Variants in NNT observed in about 807,000 individuals in gnomAD.
The protein encoded by NNT is NAD(P) transhydrogenase, mitochondrial.
NNT carries 50 observed loss-of-function variants against 104.8 expected under a neutral mutation model. The ratio of observed to expected loss-of-function variants is 0.48; its 90% CI spans 0.38 to 0.60. The LOEUF is 0.60. Ranked by LOEUF, NNT falls within the 20% of genes least tolerant of loss-of-function variation. NNT has a pLI of 0.00. For missense variants in NNT, 1,131 were observed against 1,330.7 expected (o/e 0.85, Z 2.33); for synonymous variants, 461 against 490.4 (o/e 0.94, Z 0.79).
At chr5:43,657,915 A>G (rs958569518) in intron 16 of NNT, among the ~76,000 whole-genome samples, 1 of 152,152 alleles carries the variant, frequency 6.6e-6, no homozygotes, top group Non-Finnish European at 1.5e-5. Flanking sequence ...TGGGTGGATC[A>G]CCTGAGGTCA....
At chr5:43,604,844 T>C (rs546119242) in intron 1 of NNT, among the ~76,000 whole-genome samples, 1 of 149,300 alleles carries the variant, frequency 6.7e-6, no homozygotes, top group South Asian at 2.1e-4. Flanking sequence ...GCTAATTAAT[T>C]TTTTTTTTTT....
intron 7 of NNT, among the ~76,000 whole-genome samples, chr5:43,638,261 C>T (rs1018747210): frequency 2.0e-4 from 30 of 152,230 alleles, no homozygotes; most frequent in African/African-American, 6.0e-4. Flanking sequence ...CACCCAGTCT[C>T]GGCCAGCAAT....
chr5:43,614,860 G>A (rs1168508806), intron 3 of NNT, among the ~76,000 whole-genome samples: 3 of 152,196 alleles, frequency 2.0e-5, no homozygotes, highest in South Asian at 2.1e-4. Flanking sequence ...ATGGATGGCC[G>A]GGCGCAGTGG....
At chr5:43,682,489 G>A (rs1296148335) in intron 19 of NNT, among the ~76,000 whole-genome samples, 1 of 152,158 alleles carries the variant, frequency 6.6e-6, no homozygotes, top group Non-Finnish European at 1.5e-5. Context: ...GGGATTACAG[G>A]CGTGAGCCAC....
chr5:43,612,373 T>C (rs919622356), intron 2 of NNT, among the ~76,000 whole-genome samples: 4 of 152,232 alleles, frequency 2.6e-5, no homozygotes, highest in Admixed American at 6.5e-5. Flanking sequence ...ATCCCTTGTC[T>C]AAGTGGCTGA....
intron 11 of NNT, among the ~76,000 whole-genome samples, chr5:43,649,832 C>T (rs547676645): frequency 6.6e-6 from 1 of 152,264 alleles, no homozygotes; most frequent in Admixed American, 6.5e-5. Context: ...TGCAGCAGTC[C>T]ATGTGGTTGC....
chr5:43,615,212 A>C (rs1282108779), intron 3 of NNT, among the ~76,000 whole-genome samples: 1 of 152,258 alleles, frequency 6.6e-6, no homozygotes, highest in Non-Finnish European at 1.5e-5. Flanking sequence ...TTTCAAGCAT[A>C]TGGAGTGTAT....
chr5:43,678,807 A>G (rs1222755344), intron 19 of NNT, among the ~76,000 whole-genome samples: 1 of 152,180 alleles, frequency 6.6e-6, no homozygotes, highest in Non-Finnish European at 1.5e-5. Context: ...TTAGATGATG[A>G]AATCAGGGGG....
chr5:43,660,456 T>C (rs1290738631), intron 17 of NNT, among the ~76,000 whole-genome samples: 1 of 152,322 alleles, frequency 6.6e-6, no homozygotes, highest in Non-Finnish European at 1.5e-5. Context: ...ATTATGGATG[T>C]TATTTTCTAA....
chr5:43,646,410 C>T (rs764132836), intron 10 of NNT, among the ~76,000 whole-genome samples: 7 of 151,832 alleles, frequency 4.6e-5, no homozygotes, highest in Non-Finnish European at 1.5e-5. Flanking sequence ...TCACTTCAGC[C>T]TCCTGAGTAG....
At chr5:43,689,351 C>CT (rs543264097) in intron 19 of NNT, among the ~76,000 whole-genome samples, 6 of 152,070 alleles carry the variant, frequency 3.9e-5, no homozygotes, top group Admixed American at 6.5e-5. Flanking sequence ...TGAATGAACT[C>CT]TGTTGATTAT....
chr5:43,614,691 C>T (rs952132504), intron 3 of NNT, among the ~76,000 whole-genome samples: 1 of 152,104 alleles, frequency 6.6e-6, no homozygotes, highest in Non-Finnish European at 1.5e-5. Context: ...AAACATAAGT[C>T]CCAGAGGCTG....
At chr5:43,680,330 A>C (rs1741636617) in intron 19 of NNT, among the ~76,000 whole-genome samples, 1 of 151,894 alleles carries the variant, frequency 6.6e-6, no homozygotes, top group African/African-American at 2.4e-5. Flanking sequence ...TGCAGCAGTT[A>C]CCTCATATTT....
intron 7 of NNT, among the ~76,000 whole-genome samples, chr5:43,639,177 A>G (rs1415905107): frequency 6.6e-6 from 1 of 152,204 alleles, no homozygotes; most frequent in Admixed American, 6.6e-5. Context: ...AGAAAAAACA[A>G]AAAAGCAGAA....
At position 43,705,169 on chromosome 5, in the gene NNT, C is replaced by G. The variant is rs116409496; in HGVS notation, c.*765C>G. On this transcript the variant is annotated 3_prime_UTR_variant, in exon 22 of 22. Transcript: ENST00000344920. The stretch of plus-strand genomic sequence containing the variant: ...TTCGATCAACTTATAATGTGTAGTA[C>G]TATATTAAGTGCACTTGAGTGGAAT... 3 of 152,026 alleles carry G rather than the reference C, an allele frequency of 2.0e-5. No homozygotes were observed. Among genetic ancestry groups the G allele is most frequent in the Non-Finnish European group, 2.9e-5 (2 of 67,978 alleles). The allele number at this position is 152,026 out of a possible 1,614,324, so 9.4% of individuals were successfully genotyped here.
intron 19 of NNT, among the ~76,000 whole-genome samples, chr5:43,681,192 G>A (rs1291089118): frequency 6.7e-6 from 1 of 149,720 alleles, no homozygotes; most frequent in East Asian, 2.0e-4. Context: ...CCCAGGAGGT[G>A]GAGCTCGCAG....
At chr5:43,607,117 C>T (rs988036964) in intron 1 of NNT, among the ~76,000 whole-genome samples, 3 of 152,006 alleles carry the variant, frequency 2.0e-5, no homozygotes, top group African/African-American at 7.2e-5. Flanking sequence ...GATTCTGGTG[C>T]CTCAGCTTCA....
chr5:43,615,939 C>A lies in NNT; in HGVS notation c.473C>A (p.Ala158Asp), dbSNP rs1749762556. The change falls in exon 4 of 22, where the codon GCC becomes GAC. Residue 158 changes from alanine (A) to aspartate (D), a missense_variant. Physicochemically the swap from Ala to Asp is moderately radical, Grantham distance 126 (BLOSUM62 -2). Transcript: ENST00000344920. ...ACGCTGATTAGTTTTATTTACCCAG[C>A]CCAAAATCCAGAGTTGCTAAATAAA... Reference protein sequence around the residue: ...SGTLISFIYPAQNPELLNKLS... With the variant: ...SGTLISFIYPDQNPELLNKLS... The A allele has an allele frequency of 1.2e-6, 2 of 1,614,104 alleles. No homozygotes were observed. Among genetic ancestry groups the A allele is most frequent in the Non-Finnish European group, 1.7e-6 (2 of 1,179,986 alleles).
At chr5:43,631,250 G>C (rs1022133915) in intron 7 of NNT, among the ~76,000 whole-genome samples, 25 of 152,244 alleles carry the variant, frequency 1.6e-4, no homozygotes, top group African/African-American at 5.5e-4. Flanking sequence ...GGTTTCTGGA[G>C]GTGCATGCAG....
Sources: allele counts gnomAD v4.1 joint callset (sites outside exome capture counted in the v4.1 genomes callset), GRCh38; gene constraint gnomAD v4.1.1; transcripts MANE v1.5; gene names NCBI Gene and HGNC (gene_info 2026-07-23, HGNC 2026-07-21).